Variants in TANC2 observed in about 807,000 individuals in gnomAD.
TANC2 encodes tetratricopeptide repeat, ankyrin repeat and coiled-coil containing 2.
TANC2 carries 26 observed loss-of-function variants against 210.5 expected under a neutral mutation model. That is an observed-to-expected ratio of 0.12 (90% CI 0.09 to 0.17). The LOEUF (loss-of-function observed/expected upper bound fraction) is 0.17. Among genes scored for constraint, TANC2 ranks in the 10% least tolerant of loss-of-function variants. TANC2 has a pLI of 1.00. For missense variants in TANC2, 2,129 were observed against 2,608.9 expected (o/e 0.82, Z 4.01); for synonymous variants, 931 against 967.1 (o/e 0.96, Z 0.69).
At chr17:63,038,591 G>T (rs1176002780) in intron 2 of TANC2, among the ~76,000 whole-genome samples, 52 of 151,930 alleles carry the variant, frequency 3.4e-4, no homozygotes, top group Admixed American at 3.3e-3. Context: ...TGTAGAATTT[G>T]TTATTTCTTT....
At chr17:63,388,415 CGT>C (rs141208727) in intron 15 of TANC2, among the ~76,000 whole-genome samples, 1,824 of 152,216 alleles carry the variant, frequency 0.012, 36 homozygotes, top group African/African-American at 0.042. Context: ...GTTGAGTAGA[CGT>C]GTTGCTAAGG....
In TANC2 at chr17:63,159,198, G is replaced by A. The variant is rs937258661; in HGVS notation, c.433+7818G>A. Among the ~76,000 whole-genome samples, 4 of 152,248 alleles carry A rather than the reference G, an allele frequency of 2.6e-5. No homozygotes were observed. In the East Asian group the frequency reaches 5.8e-4, roughly 22 times the overall value. On this transcript the variant is annotated intron_variant, in intron 5 of 27. Coordinates refer to ENST00000689528, the Ensembl canonical transcript of TANC2. The stretch of plus-strand genomic sequence containing the variant: ...CTCACACTCAAGACACTCAAGTGGA[G>A]GGAATTACAAAAGGTCATGATTACA...
At chr17:63,049,303 A>G (rs1238729008) in intron 2 of TANC2, among the ~76,000 whole-genome samples, 2 of 152,216 alleles carry the variant, frequency 1.3e-5, no homozygotes, top group Non-Finnish European at 2.9e-5. Context: ...CATAGAATAT[A>G]TTAGTGATAA....
At chr17:63,205,658 A>G (rs2041686818) in intron 7 of TANC2, among the ~76,000 whole-genome samples, 1 of 152,102 alleles carries the variant, frequency 6.6e-6, no homozygotes, top group South Asian at 2.1e-4. Flanking sequence ...TAACTTTGGG[A>G]CAGGTTACAC....
intron 11 of TANC2, among the ~76,000 whole-genome samples, chr17:63,328,533 CAGAA>C (rs1273533366): frequency 1.6e-4 from 25 of 151,862 alleles, no homozygotes; most frequent in Admixed American, 1.3e-3. Context: ...AAGCCAGAAA[CAGAA>C]AGACAAATAC....
chr17:63,381,162 A>G (rs1024193400), intron 15 of TANC2: 3 of 152,230 alleles, frequency 2.0e-5, no homozygotes, highest in African/African-American at 4.8e-5. Context: ...GAGAAGTAGC[A>G]TGAAGCTTCA....
At chr17:63,008,470 C>A (rs2033724629) in intron 1 of TANC2, among the ~76,000 whole-genome samples, 1 of 152,088 alleles carries the variant, frequency 6.6e-6, no homozygotes, top group South Asian at 2.1e-4. Flanking sequence ...CAAGTACTTA[C>A]AACACTTTTG....
chr17:63,047,661 A>G (rs897936634), intron 2 of TANC2, among the ~76,000 whole-genome samples: 1 of 152,234 alleles, frequency 6.6e-6, no homozygotes, highest in Non-Finnish European at 1.5e-5. Context: ...TCCAATTTAT[A>G]TACAAATAAA....
chr17:63,126,345 G>T (rs2038706763), intron 4 of TANC2, among the ~76,000 whole-genome samples: 1 of 152,330 alleles, frequency 6.6e-6, no homozygotes, highest in East Asian at 1.9e-4. Flanking sequence ...GGCCAAAGCA[G>T]ATAACACTAT....
intron 7 of TANC2, among the ~76,000 whole-genome samples, chr17:63,236,558 G>A (rs972959450): frequency 1.3e-5 from 2 of 151,968 alleles, no homozygotes; most frequent in South Asian, 4.1e-4. Flanking sequence ...TGCATAAATT[G>A]CGTAGTGGTG....
At chr17:63,194,388 T>A (rs1386937197) in intron 6 of TANC2, among the ~76,000 whole-genome samples, 1 of 152,218 alleles carries the variant, frequency 6.6e-6, no homozygotes, top group Non-Finnish European at 1.5e-5. Flanking sequence ...TTGACACGTA[T>A]ATAAGCACTG....
intron 2 of TANC2, among the ~76,000 whole-genome samples, chr17:63,019,250 C>T (rs935053461): frequency 6.6e-6 from 1 of 152,124 alleles, no homozygotes; most frequent in South Asian, 2.1e-4. Flanking sequence ...CAGAGTCTCG[C>T]TCTGTCACTC....
At chr17:63,383,339 C>A (rs2047673256) in intron 15 of TANC2, among the ~76,000 whole-genome samples, 1 of 152,134 alleles carries the variant, frequency 6.6e-6, no homozygotes, top group African/African-American at 2.4e-5. Context: ...ACTAAAATTC[C>A]TTTATCCGCC....
intron 7 of TANC2, among the ~76,000 whole-genome samples, chr17:63,212,928 A>G (rs926357249): frequency 2.6e-5 from 4 of 152,182 alleles, no homozygotes; most frequent in African/African-American, 7.2e-5. Flanking sequence ...TCATTATTCA[A>G]TAGTTGCTCA....
At chr17:63,368,880 A>G (rs1312096827) in intron 14 of TANC2, among the ~76,000 whole-genome samples, 1 of 152,244 alleles carries the variant, frequency 6.6e-6, no homozygotes, top group African/African-American at 2.4e-5. Context: ...GAGACTAAAC[A>G]TAGAAGAGAG....
At chr17:63,367,533 GAC>G (rs1247008293) in intron 14 of TANC2, among the ~76,000 whole-genome samples, 1 of 152,092 alleles carries the variant, frequency 6.6e-6, no homozygotes, top group Non-Finnish European at 1.5e-5. Flanking sequence ...AGGAAAGTCA[GAC>G]ACAGCAACCA....
At chr17:63,122,680 C>T (rs755537348) in intron 4 of TANC2, among the ~76,000 whole-genome samples, 12 of 151,524 alleles carry the variant, frequency 7.9e-5, no homozygotes, top group East Asian at 1.9e-4. Context: ...TATAGTGAGC[C>T]GAGATCACAC....
At chr17:63,005,686 T>C (rs1386080592) in intron 1 of TANC2, among the ~76,000 whole-genome samples, 1 of 152,150 alleles carries the variant, frequency 6.6e-6, no homozygotes, top group Non-Finnish European at 1.5e-5. Context: ...GATATTTCTG[T>C]GTCTATGTTC....
chr17:62,997,314 A>G (rs1485467864), intron 1 of TANC2, among the ~76,000 whole-genome samples: 1 of 151,992 alleles, frequency 6.6e-6, no homozygotes, highest in African/African-American at 2.4e-5. Flanking sequence ...CGTGTGCATT[A>G]TTAACCCTGC....
Sources: gnomAD v4.1 joint callset for allele counts (sites outside exome capture counted in the v4.1 genomes callset) on GRCh38, gnomAD v4.1.1 for gene constraint, MANE v1.5 for transcripts, NCBI Gene and HGNC (gene_info 2026-07-23, HGNC 2026-07-21) for gene names.